Variants in MYH10 observed in about 807,000 individuals in gnomAD.
MYH10 encodes the protein myosin-10.
In MYH10, 55 loss-of-function variants were observed where a neutral mutation model predicts 257.8. The observed-to-expected ratio is 0.21, with a 90% CI of 0.17 to 0.27. The LOEUF (loss-of-function observed/expected upper bound fraction) is 0.27. Ranked by LOEUF, MYH10 falls within the 10% of genes least tolerant of loss-of-function variation. The pLI, the probability that MYH10 is intolerant of heterozygous loss-of-function variation, is 1.00. For missense variants in MYH10, 1,631 were observed against 2,500.6 expected (o/e 0.65, Z 7.42); for synonymous variants, 854 against 921.7 (o/e 0.93, Z 1.33).
intron 2 of MYH10, among the ~76,000 whole-genome samples, chr17:8,611,665 T>G (rs2085043882): frequency 1.3e-5 from 2 of 152,098 alleles, no homozygotes; most frequent in African/African-American, 4.8e-5. Flanking sequence ...GAAGAAACAA[T>G]TAGTTACACG....
intron 14 of MYH10, among the ~76,000 whole-genome samples, chr17:8,538,376 C>T (rs1487909196): frequency 2.0e-5 from 3 of 151,948 alleles, no homozygotes; most frequent in Admixed American, 6.6e-5. Flanking sequence ...TGGCTAATTT[C>T]TTTTTGTATT....
chr17:8,576,991 A>G (rs2083522705), intron 5 of MYH10, among the ~76,000 whole-genome samples: 1 of 152,200 alleles, frequency 6.6e-6, no homozygotes, highest in East Asian at 1.9e-4. Flanking sequence ...TCTTTGCAAG[A>G]AATTAGGCAT....
chr17:8,510,132 G>A (rs918397327), intron 24 of MYH10, among the ~76,000 whole-genome samples, 183 bp from the exon 25 acceptor site: 1 of 149,290 alleles, frequency 6.7e-6, no homozygotes, highest in African/African-American at 2.5e-5. Context: ...TCCACCTCCT[G>A]GGTTCACGCC....
intron 7 of MYH10, among the ~76,000 whole-genome samples, chr17:8,554,483 A>G (rs561126615): frequency 6.7e-6 from 1 of 149,520 alleles, no homozygotes; most frequent in East Asian, 2.0e-4. Context: ...AAACAGAATT[A>G]TTTCTTTAAA....
chr17:8,576,888 T>C (rs1451811084), intron 5 of MYH10, among the ~76,000 whole-genome samples: 1 of 152,208 alleles, frequency 6.6e-6, no homozygotes, highest in Non-Finnish European at 1.5e-5. Flanking sequence ...TCATCACTTC[T>C]TCCCATATCT....
intron 7 of MYH10, among the ~76,000 whole-genome samples, chr17:8,557,321 C>G (rs1026438699): frequency 3.3e-5 from 5 of 152,048 alleles, no homozygotes; most frequent in Non-Finnish European, 7.4e-5. Context: ...AAAACCCAAA[C>G]CAAGCTAGCA....
chr17:8,571,774 A>T (rs371254761), intron 6 of MYH10, among the ~76,000 whole-genome samples: 4 of 152,258 alleles, frequency 2.6e-5, no homozygotes, highest in Admixed American at 6.5e-5. Context: ...AATAAAAAAT[A>T]AAAATTAAAA....
Position 8,535,192 on chromosome 17 carries a change from TCTCTGTATTC to T in MYH10, c.1894+185_1894+194del. Among the ~76,000 whole-genome samples the T allele has an allele frequency of 6.6e-6, 1 of 152,320 alleles. No homozygotes were observed. The highest frequency in any genetic ancestry group is 1.9e-4 in the East Asian group (1 of 5,190). ...CAACATCTGACCAAGAAGGTAGCTGTCTCTGTATTCATTTCTTAACCCAAGTATTGTTAAA... is the reference window on the plus strand; with the variant it reads ...CAACATCTGACCAAGAAGGTAGCTGTATTTCTTAACCCAAGTATTGTTAAA... On this transcript the variant is annotated intron_variant, in intron 16 of 42. Coordinates refer to ENST00000360416, the MANE Select transcript of MYH10 (RefSeq NM_001256012.3). The surrounding 1 kb of genome is among the most constrained non-coding windows in gnomAD (Gnocchi z 4.3).
At chr17:8,563,494 G>C (rs2083061785) in intron 7 of MYH10, among the ~76,000 whole-genome samples, 1 of 152,204 alleles carries the variant, frequency 6.6e-6, no homozygotes, top group African/African-American at 2.4e-5. Flanking sequence ...TGAGACTCCA[G>C]CAAGTCCAGG....
At position 8,623,115 on chromosome 17, in the gene MYH10, A is replaced by G; in HGVS notation, c.132T>C (p.Gly44=). Residue 44 remains glycine, a synonymous_variant, in exon 2 of 43, where the codon GGT becomes GGC. Transcript: ENST00000360416. ...KLVWIPSERH[G]FEAASIKEER... is the part of the protein sequence containing the mutation. ...CTTCTTTGATACTAGCTGCCTCAAA[A>G]CCATGGCGTTCTGATGGAATCCACA... 1 of 1,613,922 alleles carries G rather than the reference A, an allele frequency of 6.2e-7. No homozygotes were observed. Among genetic ancestry groups the G allele is most frequent in the South Asian group, 1.1e-5 (1 of 91,048 alleles).
intron 2 of MYH10, among the ~76,000 whole-genome samples, chr17:8,610,204 G>A (rs116970033): frequency 3.8e-3 from 523 of 137,548 alleles, no homozygotes; most frequent in Middle Eastern, 0.013. Context: ...ATCTGAATCC[G>A]TTTAAGCCTC....
At chr17:8,494,393 A>C (rs1288259189) in intron 31 of MYH10, among the ~76,000 whole-genome samples, 2 of 152,218 alleles carry the variant, frequency 1.3e-5, no homozygotes, top group African/African-American at 4.8e-5. Context: ...CTTCAGAGGC[A>C]TTGGTTGTGT....
chr17:8,558,059 C>T (rs1239815541), intron 7 of MYH10, among the ~76,000 whole-genome samples: 1 of 152,104 alleles, frequency 6.6e-6, no homozygotes, highest in Non-Finnish European at 1.5e-5. Flanking sequence ...CTATAGAGAC[C>T]TTGTTAATTA....
intron 36 of MYH10, among the ~76,000 whole-genome samples, chr17:8,485,752 T>C (rs1358946840): frequency 6.6e-6 from 1 of 152,234 alleles, no homozygotes; most frequent in Non-Finnish European, 1.5e-5. Context: ...CTGCAGTGAC[T>C]GTGGGAAACA....
chr17:8,574,671 T>G (rs2083448281), intron 6 of MYH10, among the ~76,000 whole-genome samples: 1 of 152,268 alleles, frequency 6.6e-6, no homozygotes, highest in Admixed American at 6.5e-5. Context: ...AAATGCTGGA[T>G]GTACACTCAT....
intron 37 of MYH10, 33 bp downstream of exon 37, chr17:8,484,105 T>C (rs773501588): frequency 6.8e-7 from 1 of 1,460,706 alleles, no homozygotes; most frequent in Non-Finnish European, 9.0e-7. Context: ...GGCAAATATA[T>C]TTGTTGAACA....
At chr17:8,573,797 TTA>T (rs2083420774) in intron 6 of MYH10, 28 of 923,668 alleles carry the variant, frequency 3.0e-5, no homozygotes, top group Non-Finnish European at 3.6e-5. Context: ...ACTGATTTGC[TTA>T]TATTTGTTCA....
At chr17:8,555,147 A>G (rs2082753666) in intron 7 of MYH10, among the ~76,000 whole-genome samples, 1 of 152,146 alleles carries the variant, frequency 6.6e-6, no homozygotes, top group Non-Finnish European at 1.5e-5. Flanking sequence ...TAAACATGTT[A>G]AACATTTTGC....
At chr17:8,577,505 T>C (rs2083541909) in intron 4 of MYH10, among the ~76,000 whole-genome samples, 167 bp from the exon 5 acceptor site, 1 of 152,166 alleles carries the variant, frequency 6.6e-6, no homozygotes, top group African/African-American at 2.4e-5. Flanking sequence ...ATCATCCTTG[T>C]AAGAGGTATT....
Sources: allele counts gnomAD v4.1 joint callset (sites outside exome capture counted in the v4.1 genomes callset), GRCh38; gene constraint gnomAD v4.1.1; non-coding constraint Gnocchi (gnomAD v3.1); transcripts MANE v1.5; gene names NCBI Gene and HGNC (gene_info 2026-07-23, HGNC 2026-07-21).